The following MDGA2 variants were observed in gnomAD, a reference collection of about 807,000 sequenced individuals.
MDGA2 encodes the protein MAM domain-containing glycosylphosphatidylinositol anchor protein 2.
In MDGA2, 40 loss-of-function variants were observed where a neutral mutation model predicts 117.8. The ratio of observed to expected loss-of-function variants is 0.34; its 90% CI spans 0.26 to 0.44. The LOEUF is 0.44. MDGA2 is among the 20% of genes least tolerant of loss of function. MDGA2 has a pLI of 1.00. For missense variants in MDGA2, 1,123 were observed against 1,250.6 expected (o/e 0.90, Z 1.54); for synonymous variants, 452 against 439.0 (o/e 1.03, Z -0.37).
At chr14:47,154,151 G>T (rs1351979421) in intron 3 of MDGA2, among the ~76,000 whole-genome samples, 4 of 152,188 alleles carry the variant, frequency 2.6e-5, no homozygotes. Flanking sequence ...TAAGCAGAGA[G>T]AGTTTGTTTT....
At chr14:47,455,241 C>A (rs192406150) in intron 1 of MDGA2, among the ~76,000 whole-genome samples, 1 of 152,118 alleles carries the variant, frequency 6.6e-6, no homozygotes, top group African/African-American at 2.4e-5. Flanking sequence ...TGCGGTGGCT[C>A]ACGCCTATAA....
intron 3 of MDGA2, among the ~76,000 whole-genome samples, chr14:47,159,991 C>T (rs918163961): frequency 6.6e-6 from 1 of 152,036 alleles, no homozygotes; most frequent in Admixed American, 6.6e-5. Context: ...GGCTAGTTTT[C>T]CCCTAGATTG....
In MDGA2 at chr14:46,917,712, G is replaced by A. The variant is rs149567154; in HGVS notation, c.2238+2300C>T. On this transcript the variant is annotated intron_variant, in intron 10 of 16. Coordinates refer to ENST00000399232, the MANE Select transcript of MDGA2 (RefSeq NM_001113498.3). ...ATGACTGAGAAATGTGTGTCACTGC[G>A]TATCAGGGAGTTATACACCAGTTTT... Among the ~76,000 whole-genome samples, 42 of 152,192 alleles carry A rather than the reference G, an allele frequency of 2.8e-4. 1 individual carries two copies. The highest frequency in any genetic ancestry group is 1.7e-3 in the East Asian group (9 of 5,176).
intron 1 of MDGA2, among the ~76,000 whole-genome samples, chr14:47,316,300 C>T (rs1889808107): frequency 6.6e-6 from 1 of 152,054 alleles, no homozygotes; most frequent in African/African-American, 2.4e-5. Context: ...AAAAACATTA[C>T]ATTTTCTTCT....
chr14:46,966,432 G>C (rs1469658754), intron 8 of MDGA2, among the ~76,000 whole-genome samples: 2 of 152,162 alleles, frequency 1.3e-5, no homozygotes, highest in African/African-American at 4.8e-5. Flanking sequence ...AATAGAGGTT[G>C]ACCTACTCAC....
chr14:47,395,958 T>A (rs1203332137), intron 1 of MDGA2, among the ~76,000 whole-genome samples: 1 of 152,122 alleles, frequency 6.6e-6, no homozygotes, highest in Non-Finnish European at 1.5e-5. Context: ...GTAGCAAGCA[T>A]GAAAAACAAA....
chr14:46,852,607 A>G (rs1051801148), intron 15 of MDGA2, among the ~76,000 whole-genome samples: 2 of 151,906 alleles, frequency 1.3e-5, no homozygotes, highest in Non-Finnish European at 2.9e-5. Context: ...CTTGGGAAAG[A>G]AACAGAGGGG....
intron 8 of MDGA2, among the ~76,000 whole-genome samples, chr14:47,000,439 A>G (rs1054840440): frequency 1.5e-5 from 2 of 133,462 alleles, no homozygotes; most frequent in African/African-American, 5.7e-5. Context: ...ATATATATAC[A>G]TATAAATATA....
At chr14:46,957,249 TGAG>T in intron 9 of MDGA2, 122 bp downstream of exon 9, 1 of 899,708 alleles carries the variant, frequency 1.1e-6, no homozygotes, top group Non-Finnish European at 1.6e-6. Flanking sequence ...AACTCTAACT[TGAG>T]GAGTCAAGCT....
chr14:47,466,518 CT>C (rs1481012256), intron 1 of MDGA2, among the ~76,000 whole-genome samples: 1 of 152,062 alleles, frequency 6.6e-6, no homozygotes, highest in Non-Finnish European at 1.5e-5. Context: ...GAAGAAACTT[CT>C]TTTCCAATTT....
intron 1 of MDGA2, among the ~76,000 whole-genome samples, chr14:47,325,395 A>C (rs1890114668): frequency 6.6e-6 from 1 of 152,170 alleles, no homozygotes; most frequent in Admixed American, 6.5e-5. Flanking sequence ...TTGACTATTG[A>C]TTGTCAGAAA....
At chr14:47,047,080 A>G (rs1889293439) in intron 7 of MDGA2, among the ~76,000 whole-genome samples, 1 of 152,152 alleles carries the variant, frequency 6.6e-6, no homozygotes. Flanking sequence ...TTGGCTATTC[A>G]TTATCTTCAA....
At chr14:46,902,558 T>A (rs753187843) in intron 10 of MDGA2, among the ~76,000 whole-genome samples, 1 of 152,200 alleles carries the variant, frequency 6.6e-6, no homozygotes, top group Non-Finnish European at 1.5e-5. Context: ...AAGAGAAATT[T>A]TCTACAACTA....
At position 46,987,987 on chromosome 14, in the gene MDGA2, T is replaced by C. The variant is rs191103893; in HGVS notation, c.1820-30344A>G. On this transcript the variant is annotated intron_variant, in intron 8 of 16. Coordinates refer to ENST00000399232, the MANE Select transcript of MDGA2 (RefSeq NM_001113498.3). ...TTGCTGTAGAAGTATGTTACTATTA[T>C]GTAAAGTACAGAGTATAGTATGTTA... Among the ~76,000 whole-genome samples the C allele has an allele frequency of 3.8e-3, 577 of 151,834 alleles. 8 individuals are homozygous for C. Among genetic ancestry groups the C allele is most frequent in the African/African-American group, 0.014 (562 of 41,406 alleles).
chr14:47,478,088 T>C (rs944769224), intron 1 of MDGA2, among the ~76,000 whole-genome samples: 3 of 152,220 alleles, frequency 2.0e-5, no homozygotes, highest in Non-Finnish European at 4.4e-5. Flanking sequence ...TCTTGTATTC[T>C]AGTTCACAAT....
At chr14:47,609,444 T>TAC (rs1566539683) in intron 1 of MDGA2, among the ~76,000 whole-genome samples, 1 of 78,712 alleles carries the variant, frequency 1.3e-5, no homozygotes, top group East Asian at 4.6e-4. Flanking sequence ...TATATATATA[T>TAC]ATATATATAT....
chr14:46,858,096 T>C (rs1881345505), intron 14 of MDGA2, among the ~76,000 whole-genome samples: 1 of 151,270 alleles, frequency 6.6e-6, no homozygotes, highest in African/African-American at 2.4e-5. Context: ...TTGATATTCT[T>C]GTATAGGTCA....
chr14:47,273,368 C>T (rs1165858206), intron 2 of MDGA2, among the ~76,000 whole-genome samples: 2 of 152,146 alleles, frequency 1.3e-5, no homozygotes, highest in East Asian at 3.9e-4. Flanking sequence ...TGGTTCAGTC[C>T]AGCTCTTTTG....
At chr14:47,309,139 T>C (rs1464826612) in intron 1 of MDGA2, among the ~76,000 whole-genome samples, 2 of 152,186 alleles carry the variant, frequency 1.3e-5, no homozygotes, top group Non-Finnish European at 2.9e-5. Flanking sequence ...TTAAAATCTT[T>C]CTGTAATTGT....
Sources: gnomAD v4.1 joint callset for allele counts (sites outside exome capture counted in the v4.1 genomes callset) on GRCh38, gnomAD v4.1.1 for gene constraint, MANE v1.5 for transcripts, NCBI Gene and HGNC (gene_info 2026-07-23, HGNC 2026-07-21) for gene names.